The following SERGEF variants were observed in gnomAD, a reference collection of about 807,000 sequenced individuals.
SERGEF encodes secretion regulating guanine nucleotide exchange factor, also known as secretion-regulating guanine nucleotide exchange factor.
SERGEF carries 51 observed loss-of-function variants against 50.0 expected under a neutral mutation model. The observed-to-expected ratio is 1.02, with a 90% CI of 0.81 to 1.29. SERGEF has a LOEUF of 1.29. SERGEF is among the 50% of genes most tolerant of loss of function. SERGEF has a pLI of 0.00. For synonymous variants in SERGEF, 205 were observed against 212.4 expected, an observed-to-expected ratio of 0.97 and a Z score of 0.30; for missense variants, 521 against 557.0, an observed-to-expected ratio of 0.94 and a Z score of 0.65.
chr11:17,934,504 C>T (rs1437752138), intron 9 of SERGEF, among the ~76,000 whole-genome samples: 1 of 152,216 alleles, frequency 6.6e-6, no homozygotes, highest in Non-Finnish European at 1.5e-5. Context: ...CAACTCTCCT[C>T]TAGGTCAGAC....
intron 10 of SERGEF, among the ~76,000 whole-genome samples, chr11:17,859,997 C>T (rs1850897974): frequency 6.6e-6 from 1 of 152,162 alleles, no homozygotes; most frequent in Admixed American, 6.5e-5. Context: ...AGGGATTTAA[C>T]ACAGGGAAAT....
At chr11:17,798,773 C>T (rs1849611054) in intron 10 of SERGEF, among the ~76,000 whole-genome samples, 1 of 152,222 alleles carries the variant, frequency 6.6e-6, no homozygotes, top group Non-Finnish European at 1.5e-5. Context: ...CTCTTGAGGG[C>T]CTACTATGAT....
chr11:17,900,049 C>A (rs1851721010), intron 9 of SERGEF, among the ~76,000 whole-genome samples: 1 of 152,004 alleles, frequency 6.6e-6, no homozygotes, highest in Admixed American at 6.5e-5. Flanking sequence ...AAGACAATAT[C>A]CCTACCTTCT....
intron 8 of SERGEF, among the ~76,000 whole-genome samples, chr11:17,981,312 T>A (rs997476394): frequency 6.6e-6 from 1 of 152,254 alleles, no homozygotes; most frequent in East Asian, 1.9e-4. Flanking sequence ...AAGATACCTA[T>A]GAATTTCCTT....
intron 10 of SERGEF, among the ~76,000 whole-genome samples, chr11:17,802,173 G>A (rs909855185): frequency 6.6e-6 from 1 of 152,206 alleles, no homozygotes; most frequent in Non-Finnish European, 1.5e-5. Flanking sequence ...CATTCCCAGA[G>A]GATGCAGTGT....
At chr11:17,813,098 T>C (rs990229693) in intron 10 of SERGEF, among the ~76,000 whole-genome samples, 1 of 152,216 alleles carries the variant, frequency 6.6e-6, no homozygotes, top group African/African-American at 2.4e-5. Context: ...GCCTTATCAC[T>C]TCCATCTGTG....
chr11:17,918,759 G>A, intron 9 of SERGEF: 1 of 443,722 alleles, frequency 2.3e-6, no homozygotes, highest in Non-Finnish European at 4.5e-6. Context: ...ACTTTCCAAG[G>A]AGATGCCATC....
rs1054326842 is a variant in SERGEF at position 18,010,159 on chromosome 11, G to A, written c.61-2083C>T. On this transcript the variant is annotated intron_variant, in intron 1 of 10. Transcript: ENST00000265965. Reference sequence around the variant, plus strand: ...AGACACCTGAATGAGGAAAGGTGATGTAAAATAATTACAACAAATACATAT... The same window carrying A: ...AGACACCTGAATGAGGAAAGGTGATATAAAATAATTACAACAAATACATAT... 9 of 1,104,908 alleles carry A rather than the reference G, an allele frequency of 8.1e-6. No homozygotes were observed. The East Asian group carries it at 1.7e-4, about 21-fold the overall frequency. 68.4% of individuals were successfully genotyped at this position (1,104,908 alleles called of 1,614,324 possible).
intron 1 of SERGEF, 176 bp downstream of exon 1, chr11:18,012,775 C>A (rs1854224187): frequency 1.0e-4 from 80 of 792,074 alleles, no homozygotes; most frequent in Non-Finnish European, 1.3e-4. Flanking sequence ...ACCCTTCCTT[C>A]CCCGCCCGCC....
At chr11:17,895,513 G>A (rs1851603399) in intron 9 of SERGEF, among the ~76,000 whole-genome samples, 1 of 152,152 alleles carries the variant, frequency 6.6e-6, no homozygotes, top group African/African-American at 2.4e-5. Context: ...GAATCCCACT[G>A]CCAGAAGTCC....
intron 10 of SERGEF, among the ~76,000 whole-genome samples, chr11:17,842,703 G>A (rs564180673): frequency 6.6e-6 from 1 of 152,324 alleles, no homozygotes; most frequent in Non-Finnish European, 1.5e-5. Context: ...AAGGACTGAA[G>A]CACAGTAGGC....
chr11:17,984,639 A>G (rs542133088), intron 8 of SERGEF, among the ~76,000 whole-genome samples: 3 of 152,166 alleles, frequency 2.0e-5, no homozygotes, highest in Non-Finnish European at 4.4e-5. Flanking sequence ...CTACTGCAGG[A>G]TTTAGTTAAG....
chr11:17,994,751 C>T (rs1158517035), intron 6 of SERGEF, among the ~76,000 whole-genome samples: 2 of 152,118 alleles, frequency 1.3e-5, no homozygotes, highest in East Asian at 1.9e-4. Flanking sequence ...CCCAGCTCAA[C>T]CCATGGGTTT....
intron 9 of SERGEF, among the ~76,000 whole-genome samples, chr11:17,906,891 A>ATG (rs1565201002): frequency 1.3e-5 from 2 of 151,616 alleles, no homozygotes; most frequent in Non-Finnish European, 2.9e-5. Context: ...TATGAAACTG[A>ATG]ATGTGGTTGT....
At chr11:17,928,920 TAGAAACTAG>T (rs2133945861) in intron 9 of SERGEF, among the ~76,000 whole-genome samples, 1 of 152,358 alleles carries the variant, frequency 6.6e-6, no homozygotes, top group African/African-American at 2.4e-5. Flanking sequence ...AATTCTTTTC[TAGAAACTAG>T]ATGCTATTTA....
intron 10 of SERGEF, among the ~76,000 whole-genome samples, chr11:17,870,020 C>T (rs968830208): frequency 6.6e-6 from 1 of 152,152 alleles, no homozygotes; most frequent in Non-Finnish European, 1.5e-5. Flanking sequence ...ATCAGGGGGG[C>T]AGTTTCCCCC....
At chr11:17,850,659 T>C (rs927549526) in intron 10 of SERGEF, among the ~76,000 whole-genome samples, 1 of 152,218 alleles carries the variant, frequency 6.6e-6, no homozygotes, top group Non-Finnish European at 1.5e-5. Flanking sequence ...AAGAGGTTAA[T>C]ACTCTGAGAA....
chr11:17,977,542 C>A (rs1853402580), intron 8 of SERGEF, among the ~76,000 whole-genome samples: 1 of 152,186 alleles, frequency 6.6e-6, no homozygotes, highest in South Asian at 2.1e-4. Flanking sequence ...CACCATAACT[C>A]CCCCAGAAGC....
At chr11:17,863,284 AG>A (rs1670336027) in intron 10 of SERGEF, among the ~76,000 whole-genome samples, 1 of 152,252 alleles carries the variant, frequency 6.6e-6, no homozygotes, top group South Asian at 2.1e-4. Context: ...ACGAAAAAAA[AG>A]TTTTATCTGC....
Sources: gnomAD v4.1 joint callset for allele counts (sites outside exome capture counted in the v4.1 genomes callset) on GRCh38, gnomAD v4.1.1 for gene constraint, MANE v1.5 for transcripts, NCBI Gene and HGNC (gene_info 2026-07-23, HGNC 2026-07-21) for gene names.